Variants in TENM1 observed in about 807,000 individuals in gnomAD.
The protein encoded by TENM1 is teneurin-1.
In TENM1, 35 loss-of-function variants were observed where a neutral mutation model predicts 174.8. The observed-to-expected ratio is 0.20, with a 90% confidence interval of 0.15 to 0.27. The LOEUF is 0.27. Ranked by LOEUF, TENM1 falls within the 10% of genes least tolerant of loss-of-function variation. The probability of loss-of-function intolerance (pLI) is 1.00; values close to 1 mark genes in which losing one functional copy is unlikely to be tolerated. For missense variants in TENM1, 1,633 were observed against 2,130.1 expected (o/e 0.77, Z 4.59); for synonymous variants, 781 against 798.7 (o/e 0.98, Z 0.37).
chrX:124,521,154 G>C (rs1166112979), intron 17 of TENM1, among the ~76,000 whole-genome samples: 1 of 111,422 alleles, frequency 9.0e-6, no homozygotes, highest in African/African-American at 3.3e-5. Flanking sequence ...CTCCATTAAG[G>C]GGTCTTTTTC....
At chrX:125,004,955 T>A in the TENM1 span, among the ~76,000 whole-genome samples, 1 of 111,171 alleles carries the variant, frequency 9.0e-6, no homozygotes, top group African/African-American at 3.3e-5. Context: ...TGGCTCAGGA[T>A]ACTAGAGCAA....
At chrX:125,104,258 T>G in the TENM1 span, among the ~76,000 whole-genome samples, 1 of 111,881 alleles carries the variant, frequency 8.9e-6, no homozygotes, top group Non-Finnish European at 1.9e-5. Flanking sequence ...TCAATACTTT[T>G]GTGGAAAGTA....
intron 3 of TENM1, among the ~76,000 whole-genome samples, chrX:124,862,274 A>C (rs947454056): frequency 8.9e-5 from 10 of 111,978 alleles, no homozygotes; most frequent in Non-Finnish European, 1.7e-4. Context: ...ACAGCTATCT[A>C]TGTAGAAAAA....
intron 18 of TENM1, among the ~76,000 whole-genome samples, chrX:124,507,419 G>C (rs16999242): frequency 2.7e-5 from 3 of 111,176 alleles, no homozygotes; most frequent in Non-Finnish European, 5.7e-5. Flanking sequence ...TTAACCAAGA[G>C]TCACTAATTG....
intron 3 of TENM1, among the ~76,000 whole-genome samples, chrX:124,854,511 G>GA (rs749375230): frequency 6.2e-4 from 69 of 111,480 alleles, no homozygotes; most frequent in African/African-American, 2.2e-3. Flanking sequence ...TAAAAAGAAA[G>GA]AAAATGGAGG....
intron 11 of TENM1, among the ~76,000 whole-genome samples, chrX:124,625,971 C>T (rs2050627411): frequency 9.0e-6 from 1 of 111,175 alleles, no homozygotes; most frequent in Non-Finnish European, 1.9e-5. Flanking sequence ...AACCATTCCA[C>T]AATGTATATA....
At chrX:124,554,022 T>C (rs1214062934) in intron 14 of TENM1, among the ~76,000 whole-genome samples, 2 of 111,144 alleles carry the variant, frequency 1.8e-5, no homozygotes, top group Non-Finnish European at 3.8e-5. Flanking sequence ...GGCAGGAGAA[T>C]AGCTTGAAAC....
At chrX:124,562,875 A>G (rs928875458) in intron 13 of TENM1, among the ~76,000 whole-genome samples, 1 of 112,349 alleles carries the variant, frequency 8.9e-6, no homozygotes, top group Non-Finnish European at 1.9e-5. Flanking sequence ...AAGCATAAAG[A>G]GCAAAACAAA....
chrX:124,562,429 G>C (rs1212110078), intron 13 of TENM1, among the ~76,000 whole-genome samples: 1 of 111,771 alleles, frequency 8.9e-6, no homozygotes, highest in Non-Finnish European at 1.9e-5. Flanking sequence ...TTACTTCCAT[G>C]GTATCTCTCT....
chrX:124,460,810 T>C (rs964152745), intron 22 of TENM1, among the ~76,000 whole-genome samples: 8 of 110,626 alleles, frequency 7.2e-5, no homozygotes, highest in Non-Finnish European at 1.5e-4. Flanking sequence ...TCTTAACCAC[T>C]ATGCCATGTA....
intron 11 of TENM1, among the ~76,000 whole-genome samples, chrX:124,587,812 G>T (rs1372962896): frequency 9.0e-6 from 1 of 111,335 alleles, no homozygotes; most frequent in Non-Finnish European, 1.9e-5. Flanking sequence ...CTAATATCCA[G>T]AATCTACAAA....
the TENM1 span, among the ~76,000 whole-genome samples, chrX:125,165,312 G>A: frequency 9.0e-6 from 1 of 111,688 alleles, no homozygotes; most frequent in Admixed American, 9.5e-5. Context: ...TCTATTAATA[G>A]CCACTATACC....
At chrX:124,952,978 A>G (rs1006211711) in intron 1 of TENM1, among the ~76,000 whole-genome samples, 4 of 111,735 alleles carry the variant, frequency 3.6e-5, no homozygotes, top group Non-Finnish European at 7.5e-5. Context: ...CAAGGGATTC[A>G]AAGTTTATCT....
At chrX:124,619,715 A>G (rs960845034) in intron 11 of TENM1, among the ~76,000 whole-genome samples, 1 of 111,972 alleles carries the variant, frequency 8.9e-6, no homozygotes, top group African/African-American at 3.2e-5. Flanking sequence ...GTCAATATGG[A>G]AGAGTGTAAA....
chrX:125,184,284 C>T, the TENM1 span, among the ~76,000 whole-genome samples: 1 of 111,939 alleles, frequency 8.9e-6, no homozygotes, highest in Non-Finnish European at 1.9e-5. Flanking sequence ...GTGAAAAATA[C>T]TTTGCAATTA....
At chrX:124,399,277 G>A (rs952448726) in intron 27 of TENM1, among the ~76,000 whole-genome samples, 1 of 112,008 alleles carries the variant, frequency 8.9e-6, no homozygotes, top group Non-Finnish European at 1.9e-5. Context: ...GTTATAAATA[G>A]TAAATGAGTT....
intron 4 of TENM1, among the ~76,000 whole-genome samples, chrX:124,717,645 C>T (rs2053217799): frequency 1.8e-5 from 2 of 111,838 alleles, no homozygotes; most frequent in Admixed American, 9.5e-5. Flanking sequence ...GCTTTTCTTT[C>T]ACTGTGAGAT....
intron 23 of TENM1, among the ~76,000 whole-genome samples, chrX:124,434,167 G>T (rs1436912601): frequency 9.0e-6 from 1 of 111,586 alleles, no homozygotes; most frequent in Non-Finnish European, 1.9e-5. Flanking sequence ...TTCTAATAAG[G>T]TAAATATTCA....
chrX:124,590,429 T>C (rs2049705908), intron 11 of TENM1, among the ~76,000 whole-genome samples: 1 of 110,021 alleles, frequency 9.1e-6, no homozygotes, highest in Non-Finnish European at 1.9e-5. Flanking sequence ...ACAAGGGATG[T>C]GAAGGACCTC....
Sources: allele counts gnomAD v4.1 joint callset (sites outside exome capture counted in the v4.1 genomes callset), GRCh38; gene constraint gnomAD v4.1.1; transcripts MANE v1.5; gene names NCBI Gene and HGNC (gene_info 2026-07-23, HGNC 2026-07-21).